HDC: variants seen among roughly 807,000 people sequenced by gnomAD.
HDC encodes histidine decarboxylase.
Under a neutral mutation model 64.4 loss-of-function variants are expected in HDC, and 27 were observed. The ratio of observed to expected loss-of-function variants is 0.42; its 90% confidence interval spans 0.31 to 0.58. HDC has a LOEUF of 0.58. Ranked by LOEUF, HDC falls within the 20% of genes least tolerant of loss-of-function variation. The probability of loss-of-function intolerance (pLI) is 0.16; values close to 1 mark genes in which losing one functional copy is unlikely to be tolerated. For missense variants in HDC, 711 were observed against 833.9 expected, an observed-to-expected ratio of 0.85 and a Z score of 1.81; for synonymous variants, 305 against 314.2, an observed-to-expected ratio of 0.97 and a Z score of 0.31.
rs186025952 is a variant in HDC at position 50,246,253 on chromosome 15, G to A, written c.1140+1992C>T. 1.7e-3 allele frequency among the ~76,000 whole-genome samples: 258 copies of A among 152,326 alleles called. 1 individual carries two copies. The highest frequency in any genetic ancestry group is 5.9e-3 in the African/African-American group (244 of 41,566). On this transcript the variant is annotated intron_variant, in intron 10 of 11. Coordinates refer to ENST00000267845, the MANE Select transcript of HDC (RefSeq NM_002112.4). ...TTTATTTTTGTATTGAAGGCATTAC[G>A]CAAGTGTCAATAATTATCATCACCG...
At chr15:50,254,016 T>C in intron 6 of HDC, 114 bp downstream of exon 6, 1 of 1,105,522 alleles carries the variant, frequency 9.0e-7, no homozygotes, top group Non-Finnish European at 1.4e-6. Context: ...AAATACTGTA[T>C]GGGAGGACCT....
intron 4 of HDC, among the ~76,000 whole-genome samples, chr15:50,257,185 G>A (rs1399766581): frequency 6.6e-6 from 1 of 152,214 alleles, no homozygotes; most frequent in Non-Finnish European, 1.5e-5. Flanking sequence ...AAGTCATACT[G>A]GAAATGTGAT....
chr15:50,250,462 G>T (rs1325569654), intron 9 of HDC, among the ~76,000 whole-genome samples: 1 of 152,176 alleles, frequency 6.6e-6, no homozygotes, highest in Non-Finnish European at 1.5e-5. Context: ...GGGCTGGGAA[G>T]AGTTTACTCT....
rs369160695 is a variant in HDC, at chr15:50,254,252, C to A, written c.598G>T (p.Ala200Ser). Residue 200 changes from alanine (A) to serine (S), a missense_variant, in exon 6 of 12, where the codon GCT becomes TCT. Physicochemically the swap from Ala to Ser is moderately conservative, Grantham distance 99 (BLOSUM62 1). Around this residue, in one of 3 missense-constraint regions of HDC, gnomAD observed 225 missense variants for 276.2 expected, o/e 0.81. Transcript: ENST00000267845. ...SDQAHSSVEK[A>S]GLISLVKMKF... Reference sequence around the variant, plus strand: ...ATCTTCACAAGGGAAATCAAACCAGCCTTTTCCACAGAGGAGTGAGCCTAG... The same window carrying A: ...ATCTTCACAAGGGAAATCAAACCAGACTTTTCCACAGAGGAGTGAGCCTAG... 1.2e-6 allele frequency: 2 copies of A among 1,614,150 alleles called. No homozygotes were observed. Among genetic ancestry groups the A allele is most frequent in the Non-Finnish European group, 1.7e-6 (2 of 1,180,034 alleles).
chr15:50,251,021 T>C (rs1370364355), intron 9 of HDC, among the ~76,000 whole-genome samples: 3 of 152,212 alleles, frequency 2.0e-5, no homozygotes, highest in African/African-American at 7.2e-5. Context: ...TAAAACCATC[T>C]CTTCACAAGG....
At chr15:50,253,916 A>T in intron 6 of HDC, 1 of 654,798 alleles carries the variant, frequency 1.5e-6, no homozygotes, top group Non-Finnish European at 2.7e-6. Context: ...GTGCACTCTA[A>T]TATTTTATAC....
At chr15:50,258,850 G>A (rs1163584341) in intron 2 of HDC, among the ~76,000 whole-genome samples, 4 of 152,134 alleles carry the variant, frequency 2.6e-5, no homozygotes, top group South Asian at 2.1e-4. Flanking sequence ...CCCTCATGCC[G>A]CCCCTGCCCA....
intron 10 of HDC, chr15:50,244,706 G>C (rs976034372): frequency 6.6e-6 from 1 of 152,268 alleles, no homozygotes; most frequent in Non-Finnish European, 1.5e-5. Flanking sequence ...CAGGAGTTTT[G>C]ACCTGCTCCA....
intron 2 of HDC, among the ~76,000 whole-genome samples, chr15:50,262,581 C>T (rs1451734962): frequency 6.6e-6 from 1 of 152,176 alleles, no homozygotes; most frequent in Admixed American, 6.5e-5. Flanking sequence ...GCTTCCTGGC[C>T]CCACCAGCAC....
intron 1 of HDC, among the ~76,000 whole-genome samples, chr15:50,265,166 G>A (rs1036672451): frequency 6.6e-6 from 1 of 152,148 alleles, no homozygotes; most frequent in African/African-American, 2.4e-5. Flanking sequence ...CTAAATGAAA[G>A]AACACTGCTG....
chr15:50,256,905 G>T (rs1196249459), intron 4 of HDC, among the ~76,000 whole-genome samples: 1 of 152,106 alleles, frequency 6.6e-6, no homozygotes, highest in East Asian at 1.9e-4. Context: ...GTCCATGGGA[G>T]GCACCCAGAA....
intron 1 of HDC, among the ~76,000 whole-genome samples, chr15:50,263,817 A>G (rs542592485): frequency 6.6e-6 from 1 of 152,142 alleles, no homozygotes; most frequent in Non-Finnish European, 1.5e-5. Context: ...GGCCGAGGGT[A>G]GGATCTGATC....
At chr15:50,259,964 G>A (rs2045681215) in intron 2 of HDC, among the ~76,000 whole-genome samples, 1 of 151,852 alleles carries the variant, frequency 6.6e-6, no homozygotes, top group South Asian at 2.1e-4. Flanking sequence ...GATTTACCAT[G>A]AAGCTAATGA....
chr15:50,254,726 C>G lies in HDC; in HGVS notation c.442-62G>C, dbSNP rs957619075. 2.6e-6 allele frequency: 4 copies of G among 1,541,542 alleles called. No homozygotes were observed. In the African/African-American group the frequency reaches 5.7e-5, roughly 22 times the overall value. ...TATTCTCTTGCCAAATTTCCCCAGG[C>G]TTTCTAGTTTTTTCTCTCTCTCTCT... On this transcript the variant is annotated intron_variant, in intron 4 of 11. Transcript: ENST00000267845.
intron 2 of HDC, among the ~76,000 whole-genome samples, chr15:50,260,676 G>A (rs1056879544): frequency 6.6e-6 from 1 of 152,084 alleles, no homozygotes; most frequent in African/African-American, 2.4e-5. Flanking sequence ...ACCCTATGGG[G>A]TAGGACCTAC....
intron 10 of HDC, 67 bp from the exon 11 acceptor site, chr15:50,243,311 G>A: frequency 9.2e-7 from 1 of 1,081,222 alleles, no homozygotes; most frequent in Non-Finnish European, 1.4e-6. Context: ...TAAACTTTCA[G>A]ACTGCTAAAT....
chr15:50,255,280 C>T (rs1160960718), intron 4 of HDC, among the ~76,000 whole-genome samples: 1 of 152,174 alleles, frequency 6.6e-6, no homozygotes, highest in Non-Finnish European at 1.5e-5. Flanking sequence ...ATCTTCGGGG[C>T]CACCTCAGGA....
chr15:50,256,810 A>T (rs1264477333), intron 4 of HDC, among the ~76,000 whole-genome samples: 1 of 152,244 alleles, frequency 6.6e-6, no homozygotes, highest in African/African-American at 2.4e-5. Context: ...GAATTCAAGA[A>T]TCTGAGGAAT....
rs1199317656 is a variant in HDC, at chr15:50,243,170, G to A, written c.1215C>T (p.His405=). 6.2e-7 allele frequency: 1 copy of A among 1,613,656 alleles called. No homozygotes were observed. Among genetic ancestry groups the A allele is most frequent in the Non-Finnish European group, 8.5e-7 (1 of 1,179,564 alleles). ...DPSFEIPAKR[H]LGLVVFRLKG... Reference sequence around the variant, plus strand: ...TTAGACGAAAAACCACCAGGCCAAGGTGCCTCTTGGCAGGAATTTCAAAGG... The same window carrying A: ...TTAGACGAAAAACCACCAGGCCAAGATGCCTCTTGGCAGGAATTTCAAAGG... Residue 405 remains histidine (H), a synonymous_variant, in exon 11 of 12, where the codon CAC becomes CAT. Transcript: ENST00000267845.
Sources: gnomAD v4.1 joint callset for allele counts (sites outside exome capture counted in the v4.1 genomes callset) on GRCh38, gnomAD v4.1.1 for gene constraint, gnomAD v4.1.1 regional missense constraint, MANE v1.5 for transcripts, NCBI Gene and HGNC (gene_info 2026-07-23, HGNC 2026-07-21) for gene names.